The following THOC2 variants were observed in gnomAD, a reference collection of about 807,000 sequenced individuals.
THOC2 encodes THO complex 2.
In THOC2, 10 loss-of-function variants were observed where a neutral mutation model predicts 128.4. The observed-to-expected ratio is 0.08, with a 90% CI of 0.05 to 0.13. THOC2 has a LOEUF of 0.13. THOC2 is among the 10% of genes least tolerant of loss of function. The pLI is 1.00. For synonymous variants in THOC2, 393 were observed against 396.9 expected, an observed-to-expected ratio of 0.99 and a Z score of 0.12; for missense variants, 535 against 1,155.7, an observed-to-expected ratio of 0.46 and a Z score of 7.79.
chrX:123,644,689 T>C lies in THOC2; in HGVS notation c.1560-13A>G, dbSNP rs983055437. ...ATACAGACGATATCTTAAAAAACGA[T>C]GAGATGAAGAATTAGGAAAAGTTAA... On this transcript the variant is annotated splice_polypyrimidine_tract_variant and intron_variant, in intron 14 of 38. Transcript: ENST00000245838. 1 of 1,179,495 alleles carries C rather than the reference T, an allele frequency of 8.5e-7. No individual in the cohort carries two copies. The highest frequency in any genetic ancestry group is 1.8e-5 in the African/African-American group (1 of 56,215).
chrX:123,707,481 A>G (rs895651109), intron 2 of THOC2, among the ~76,000 whole-genome samples: 1 of 111,831 alleles, frequency 8.9e-6, no homozygotes, highest in African/African-American at 3.2e-5. Flanking sequence ...CCCAAATCTA[A>G]ATCTCTTTGT....
At chrX:123,656,653 T>C (rs1201325289) in intron 12 of THOC2, among the ~76,000 whole-genome samples, 1 of 111,299 alleles carries the variant, frequency 9.0e-6, no homozygotes, top group Middle Eastern at 4.2e-3. Flanking sequence ...GAGGTTGCAG[T>C]GAGCCAGGGT....
intron 8 of THOC2, among the ~76,000 whole-genome samples, chrX:123,681,550 C>T (rs2049782704): frequency 9.0e-6 from 1 of 111,559 alleles, no homozygotes; most frequent in African/African-American, 3.3e-5. Context: ...AAATAAAGAA[C>T]AAATAAGATG....
At chrX:123,664,068 G>A (rs1017262377) in intron 12 of THOC2, among the ~76,000 whole-genome samples, 7 of 111,734 alleles carry the variant, frequency 6.3e-5, no homozygotes, top group African/African-American at 1.6e-4. Flanking sequence ...AAATAGTGCC[G>A]CAGTAAACAA....
chrX:123,672,761 C>A (rs2049330363), intron 8 of THOC2, among the ~76,000 whole-genome samples: 1 of 112,112 alleles, frequency 8.9e-6, no homozygotes, highest in Admixed American at 9.5e-5. Context: ...AATTTTAACA[C>A]TGCTGAGGTC....
intron 22 of THOC2, among the ~76,000 whole-genome samples, chrX:123,630,387 C>T (rs113340972): frequency 1.8e-5 from 2 of 110,442 alleles, no homozygotes; most frequent in East Asian, 5.7e-4. Context: ...CCAAGGCAGG[C>T]GGATCACCTG....
chrX:123,650,977 C>T (rs934144048), intron 12 of THOC2, among the ~76,000 whole-genome samples: 1 of 111,845 alleles, frequency 8.9e-6, no homozygotes. Flanking sequence ...ATCTACAGAA[C>T]TCTCCACCTC....
intron 7 of THOC2, among the ~76,000 whole-genome samples, chrX:123,688,417 C>T (rs920889711): frequency 9.0e-6 from 1 of 111,680 alleles, no homozygotes. Context: ...CTAGAAAAAG[C>T]AAATTAATCT....
intron 33 of THOC2, among the ~76,000 whole-genome samples, chrX:123,618,320 C>T (rs2046968529): frequency 8.9e-6 from 1 of 111,854 alleles, no homozygotes; most frequent in Admixed American, 9.5e-5. Context: ...GAACTTCTCC[C>T]AGCATAGCTG....
intron 8 of THOC2, among the ~76,000 whole-genome samples, 182 bp downstream of exon 8, chrX:123,686,356 GCTTTCACATC>G: frequency 8.9e-6 from 1 of 111,817 alleles, no homozygotes. Flanking sequence ...TTTCCTCTAG[GCTTTCACATC>G]ACATCATTCA....
intron 1 of THOC2, among the ~76,000 whole-genome samples, chrX:123,716,989 CA>C (rs1331365437): frequency 9.0e-6 from 1 of 111,536 alleles, no homozygotes; most frequent in Non-Finnish European, 1.9e-5. Flanking sequence ...CCATAGCTAA[CA>C]TTATATTCAA....
chrX:123,614,179 T>C lies in THOC2; in HGVS notation c.4322A>G (p.Asn1441Ser). Residue 1441 changes from asparagine (N) to serine (S), a missense_variant, in exon 34 of 39, where the codon AAT becomes AGT. Around this residue, in one of 9 missense-constraint regions of THOC2, gnomAD observed 116 missense variants for 180.0 expected, o/e 0.64. Transcript: ENST00000245838. Reference protein sequence around the residue: ...LKESSAKLYINHTPPPLSKSK... With the variant: ...LKESSAKLYISHTPPPLSKSK... ...CTTGGACAGTGGTGGAGGAGTATGA[T>C]TAATGTAGAGCTGTTAAATTAAGGC... is the stretch of plus-strand genomic sequence containing the variant. 8.4e-7 allele frequency: 1 copy of C among 1,188,025 alleles called. No individual in the cohort carries two copies. The highest frequency in any genetic ancestry group is 1.1e-6 in the Non-Finnish European group (1 of 883,443).
intron 38 of THOC2, among the ~76,000 whole-genome samples, chrX:123,605,500 C>T (rs2046432993): frequency 9.0e-6 from 1 of 111,402 alleles, no homozygotes; most frequent in Non-Finnish European, 1.9e-5. Context: ...TTACTACATA[C>T]AGACCAAAAT....
At chrX:123,721,764 CGA>C (rs1401727997) in intron 1 of THOC2, among the ~76,000 whole-genome samples, 1 of 106,867 alleles carries the variant, frequency 9.4e-6, no homozygotes. Flanking sequence ...GCAGCCTAGG[CGA>C]GAGAGCAAGA....
Position 123,667,231 on chromosome X carries a change from A to G in THOC2, c.1065T>C (p.Ile355=). 4 of 1,208,066 alleles carry G rather than the reference A, an allele frequency of 3.3e-6. No homozygotes were observed. The highest frequency in any genetic ancestry group is 4.5e-6 in the Non-Finnish European group (4 of 894,151). Residue 355 remains isoleucine, a synonymous_variant, in exon 11 of 39, where the codon ATT becomes ATC. Coordinates refer to ENST00000245838, the MANE Select transcript of THOC2 (RefSeq NM_001081550.2). The part of the protein sequence containing the change: ...KLGLLEALLK[I]GDWQHAQNIM... ...TGTTCTGTGCATGTTGCCAATCACC[A>G]ATCTTTAATAAGGCTTCCAACAAGC... is the stretch of plus-strand genomic sequence containing the variant.
intron 4 of THOC2, 121 bp from the exon 5 acceptor site, chrX:123,697,872 A>G: frequency 2.5e-6 from 1 of 407,101 alleles, no homozygotes; most frequent in Non-Finnish European, 4.2e-6. Flanking sequence ...AATTTGGAAA[A>G]ATTCAAAACT....
At chrX:123,679,883 T>C (rs907563154) in intron 8 of THOC2, among the ~76,000 whole-genome samples, 1 of 112,292 alleles carries the variant, frequency 8.9e-6, no homozygotes, top group Non-Finnish European at 1.9e-5. Flanking sequence ...GAAGGCAGCA[T>C]GCTTGTTAAG....
At chrX:123,663,859 G>C (rs929163816) in intron 12 of THOC2, among the ~76,000 whole-genome samples, 1 of 111,269 alleles carries the variant, frequency 9.0e-6, no homozygotes, top group Non-Finnish European at 1.9e-5. Flanking sequence ...CTATGAGTGA[G>C]AACATGCGGT....
At chrX:123,639,188 A>C (rs1407082763) in intron 16 of THOC2, among the ~76,000 whole-genome samples, 161 bp from the exon 17 acceptor site, 3 of 111,822 alleles carry the variant, frequency 2.7e-5, no homozygotes, top group African/African-American at 3.2e-5. Context: ...CTATATAAAT[A>C]TTTCATATTT....
Sources: allele counts gnomAD v4.1 joint callset (sites outside exome capture counted in the v4.1 genomes callset), GRCh38; gene constraint gnomAD v4.1.1; regional missense constraint gnomAD v4.1.1; transcripts MANE v1.5; gene names NCBI Gene and HGNC (gene_info 2026-07-23, HGNC 2026-07-21).